LAMA2: variants seen among roughly 807,000 people sequenced by gnomAD.
The protein encoded by LAMA2 is laminin subunit alpha-2.
Under a neutral mutation model 364.8 loss-of-function variants are expected in LAMA2, and 269 were observed. That is an observed-to-expected ratio of 0.74 (90% CI 0.67 to 0.82). The LOEUF is 0.82. Among genes scored for constraint, LAMA2 ranks in the 40% least tolerant of loss-of-function variants. LAMA2 has a pLI of 0.00. For synonymous variants in LAMA2, 1,379 were observed against 1,370.6 expected (o/e 1.01, Z -0.14); for missense variants, 3,807 against 3,873.2 (o/e 0.98, Z 0.45).
Position 129,245,773 on chromosome 6 carries a change from A to G in LAMA2, c.1783-4339A>G, listed in dbSNP as rs1199579561. The stretch of plus-strand genomic sequence containing the variant: ...TTTTTCTTTAGTCTTCTTACTAGTC[A>G]AATATCAGCTAAACAAACAAAGAAA... On this transcript the variant is annotated intron_variant, in intron 12 of 64. Transcript: ENST00000421865. Among the ~76,000 whole-genome samples, 9 of 152,304 alleles carry G rather than the reference A, an allele frequency of 5.9e-5. No homozygotes were observed. The East Asian group carries it at 1.7e-3, about 29-fold the overall frequency.
At position 129,147,052 on chromosome 6, in the gene LAMA2, T is replaced by C. The variant is rs1305435027; in HGVS notation, c.909+4T>C. On this transcript the variant is annotated splice_donor_region_variant and intron_variant, in intron 6 of 64. Transcript: ENST00000421865. ...TCCACTTGATCCAGCGACAAATGTA[T>C]GTATATTTATAGGATGCTTAGGCAA... 3 of 1,579,436 alleles carry C rather than the reference T, an allele frequency of 1.9e-6. No individual in the cohort carries two copies. Among genetic ancestry groups the C allele is most frequent in the Admixed American group, 1.7e-5 (1 of 59,852 alleles).
At chr6:129,377,983 A>T (rs572901540) in intron 34 of LAMA2, among the ~76,000 whole-genome samples, 1 of 152,176 alleles carries the variant, frequency 6.6e-6, no homozygotes, top group Admixed American at 6.5e-5. Flanking sequence ...GGAAAAAAAA[A>T]ACCTAGTTGA....
At chr6:128,984,128 A>T (rs1353777480) in intron 1 of LAMA2, among the ~76,000 whole-genome samples, 1 of 152,062 alleles carries the variant, frequency 6.6e-6, no homozygotes, top group East Asian at 1.9e-4. Flanking sequence ...TATCCTTGCA[A>T]ATTTCACCCT....
chr6:128,993,661 T>TA (rs1013123936), intron 1 of LAMA2, among the ~76,000 whole-genome samples: 5 of 152,046 alleles, frequency 3.3e-5, no homozygotes, highest in Non-Finnish European at 7.4e-5. Flanking sequence ...AGATTGTTTT[T>TA]AAAAAAACAT....
At chr6:129,222,179 G>T (rs1053867347) in intron 12 of LAMA2, among the ~76,000 whole-genome samples, 8 of 152,076 alleles carry the variant, frequency 5.3e-5, no homozygotes, top group African/African-American at 1.7e-4. Flanking sequence ...TAATAAGCCA[G>T]GGAATACAAT....
At chr6:129,449,102 T>G (rs1487952652) in intron 45 of LAMA2, among the ~76,000 whole-genome samples, 1 of 152,226 alleles carries the variant, frequency 6.6e-6, no homozygotes, top group Non-Finnish European at 1.5e-5. Context: ...GTCAACAGTT[T>G]GGGCTAAGTG....
rs540673521 is a variant in LAMA2 at position 129,453,444 on chromosome 6, ACTT to A, written c.6573+317_6573+319del. Among the ~76,000 whole-genome samples the A allele has an allele frequency of 2.7e-3, 409 of 152,286 alleles. 3 individuals carry two copies. The highest frequency in any genetic ancestry group is 8.9e-3 in the African/African-American group (370 of 41,570). On this transcript the variant is annotated intron_variant, in intron 46 of 64. Transcript: ENST00000421865. ...TAATGAGAATAAAGCTATTTTATTTACTTCTTATTTATTTATCTTATTTACTGT... is the reference window on the plus strand; with the variant it reads ...TAATGAGAATAAAGCTATTTTATTTACTTATTTATTTATCTTATTTACTGT...
At chr6:128,904,922 G>C (rs771095491) in intron 1 of LAMA2, among the ~76,000 whole-genome samples, 1 of 152,170 alleles carries the variant, frequency 6.6e-6, no homozygotes, top group Admixed American at 6.5e-5. Context: ...GGAGATAACA[G>C]AATAACGTCT....
intron 3 of LAMA2, among the ~76,000 whole-genome samples, chr6:129,080,036 A>T: frequency 6.6e-6 from 1 of 152,146 alleles, no homozygotes; most frequent in East Asian, 1.9e-4. Context: ...ACATATGAAT[A>T]CTTGTGTCTG....
At chr6:129,144,544 T>C (rs865876409) in intron 5 of LAMA2, among the ~76,000 whole-genome samples, 1 of 151,954 alleles carries the variant, frequency 6.6e-6, no homozygotes, top group South Asian at 2.1e-4. Flanking sequence ...GTCTTAAACC[T>C]TAATGTGTAT....
intron 10 of LAMA2, among the ~76,000 whole-genome samples, chr6:129,183,123 A>G (rs1781027538): frequency 6.6e-6 from 1 of 151,990 alleles, no homozygotes; most frequent in Admixed American, 6.6e-5. Flanking sequence ...ATATTTTTGC[A>G]TTGTTAAAAA....
chr6:129,328,037 A>G (rs1775404664), intron 28 of LAMA2, among the ~76,000 whole-genome samples: 1 of 152,186 alleles, frequency 6.6e-6, no homozygotes, highest in Non-Finnish European at 1.5e-5. Context: ...GCTGAATTGT[A>G]TCTACAAATA....
chr6:129,388,732 C>T (rs1701387137), intron 35 of LAMA2, among the ~76,000 whole-genome samples: 1 of 152,128 alleles, frequency 6.6e-6, no homozygotes, highest in Admixed American at 6.6e-5. Context: ...AAAAAACATA[C>T]AGCTTTAGCA....
At chr6:129,015,845 C>T (rs1785038653) in intron 1 of LAMA2, among the ~76,000 whole-genome samples, 2 of 151,972 alleles carry the variant, frequency 1.3e-5, no homozygotes, top group Admixed American at 1.3e-4. Flanking sequence ...TGGCTTTTAA[C>T]TGTAGTGGAA....
intron 1 of LAMA2, among the ~76,000 whole-genome samples, chr6:128,985,141 T>G (rs995014495): frequency 6.6e-6 from 1 of 152,176 alleles, no homozygotes; most frequent in Non-Finnish European, 1.5e-5. Context: ...TGCATGGTCC[T>G]GAATGTGGAA....
At chr6:129,174,044 T>C (rs1780399018) in intron 9 of LAMA2, among the ~76,000 whole-genome samples, 1 of 152,074 alleles carries the variant, frequency 6.6e-6, no homozygotes. Flanking sequence ...ACTTCAAAAA[T>C]TTTATGTAAT....
At chr6:129,064,958 A>G (rs1251148638) in intron 3 of LAMA2, among the ~76,000 whole-genome samples, 1 of 152,230 alleles carries the variant, frequency 6.6e-6, no homozygotes, top group Non-Finnish European at 1.5e-5. Context: ...CACTGCAAGA[A>G]AAGTACATTA....
At chr6:129,131,033 C>T (rs78810561) in intron 4 of LAMA2, among the ~76,000 whole-genome samples, 1 of 152,042 alleles carries the variant, frequency 6.6e-6, no homozygotes, top group South Asian at 2.1e-4. Flanking sequence ...TATTTTTGTC[C>T]TTAATAGAAA....
At chr6:129,064,638 C>A (rs1193615070) in intron 3 of LAMA2, among the ~76,000 whole-genome samples, 1 of 152,054 alleles carries the variant, frequency 6.6e-6, no homozygotes, top group Non-Finnish European at 1.5e-5. Flanking sequence ...AGTGACTACT[C>A]TCAACAATTA....
Sources: allele counts gnomAD v4.1 joint callset (sites outside exome capture counted in the v4.1 genomes callset), GRCh38; gene constraint gnomAD v4.1.1; transcripts MANE v1.5; gene names NCBI Gene and HGNC (gene_info 2026-07-23, HGNC 2026-07-21).